Variants in TTC9 observed in about 807,000 individuals in gnomAD.
The protein encoded by TTC9 is tetratricopeptide repeat protein 9A.
A neutral mutation model predicts 22.9 loss-of-function variants in TTC9; 13 were observed. The observed-to-expected ratio is 0.57, with a 90% CI of 0.37 to 0.90. TTC9 has a LOEUF of 0.90. TTC9 is among the 40% of genes least tolerant of loss of function. TTC9 has a pLI of 0.01. For missense variants in TTC9, 280 were observed against 291.8 expected (o/e 0.96, Z 0.29); for synonymous variants, 148 against 133.2 (o/e 1.11, Z -0.77).
rs950291536 is a variant in TTC9, at chr14:70,673,715, T to C, written c.*2560T>C. 4 of 152,162 alleles carry C rather than the reference T, an allele frequency of 2.6e-5. No individual in the cohort carries two copies. The highest frequency in any genetic ancestry group is 9.7e-5 in the African/African-American group (4 of 41,404). The allele number at this position is 152,162 out of a possible 1,614,324, so 9.4% of individuals were successfully genotyped here. ...AACTGCCAGGGTCTTCCCTTGGTCT[T>C]TGTGCGTCAGGAAGGACTCCGAGTA... On this transcript the variant is annotated 3_prime_UTR_variant, in exon 3 of 3. Coordinates refer to ENST00000256367, the MANE Select transcript of TTC9 (RefSeq NM_015351.2).
At chr14:70,642,571 G>C (rs773763843) in intron 1 of TTC9, 36 bp downstream of exon 1, 1 of 1,513,172 alleles carries the variant, frequency 6.6e-7, no homozygotes, top group South Asian at 1.2e-5. Flanking sequence ...CGCGGTCCCC[G>C]TTCTTCGGCC....
intron 1 of TTC9, among the ~76,000 whole-genome samples, chr14:70,662,837 A>C (rs1218103319): frequency 6.6e-6 from 1 of 152,240 alleles, no homozygotes; most frequent in African/African-American, 2.4e-5. Flanking sequence ...TCCTTAATTC[A>C]AACAGAGACC....
At chr14:70,647,089 A>G (rs1885912876) in intron 1 of TTC9, among the ~76,000 whole-genome samples, 1 of 152,208 alleles carries the variant, frequency 6.6e-6, no homozygotes, top group Non-Finnish European at 1.5e-5. Flanking sequence ...AAATTTTAAA[A>G]TTTAATTATT....
intron 1 of TTC9, 69 bp downstream of exon 1, chr14:70,642,604 G>C (rs1273759527): frequency 1.5e-5 from 21 of 1,410,674 alleles, no homozygotes; most frequent in Middle Eastern, 1.8e-4. Flanking sequence ...GGACCACTGC[G>C]GCGCTCCCGC....
chr14:70,649,099 G>A (rs751976545), intron 1 of TTC9, among the ~76,000 whole-genome samples: 1 of 152,138 alleles, frequency 6.6e-6, no homozygotes, highest in Non-Finnish European at 1.5e-5. Context: ...CTACCAGCTT[G>A]TCATCCCACA....
At chr14:70,651,941 T>G (rs1885990836) in intron 1 of TTC9, among the ~76,000 whole-genome samples, 2 of 151,406 alleles carry the variant, frequency 1.3e-5, no homozygotes, top group South Asian at 4.2e-4. Context: ...AGCCCAAATC[T>G]AAATCCTTTC....
chr14:70,644,908 C>T (rs1885881422), intron 1 of TTC9, among the ~76,000 whole-genome samples: 1 of 151,492 alleles, frequency 6.6e-6, no homozygotes, highest in African/African-American at 2.4e-5. Context: ...GTCAGGAGAT[C>T]GAGACCATCC....
At chr14:70,667,780 C>T in intron 2 of TTC9, 34 bp downstream of exon 2, 1 of 1,552,014 alleles carries the variant, frequency 6.4e-7, no homozygotes, top group Non-Finnish European at 8.7e-7. Context: ...TTACTTCCTC[C>T]CTGCTCTGGT....
intron 1 of TTC9, among the ~76,000 whole-genome samples, chr14:70,652,156 G>T (rs1415738548): frequency 2.6e-5 from 4 of 152,104 alleles, no homozygotes; most frequent in Admixed American, 2.6e-4. Flanking sequence ...ATTTCAAAAG[G>T]CTTCTAGCAA....
chr14:70,642,559 G>GCCGCGTCCCCCGCC, intron 1 of TTC9, 24 bp downstream of exon 1: 1 of 1,522,314 alleles, frequency 6.6e-7, no homozygotes, highest in South Asian at 1.2e-5. Flanking sequence ...CGCCCCCCGC[G>GCCGCGTCCCCCGCC]CCGCGGTCCC....
chr14:70,662,087 C>A (rs1396722250), intron 1 of TTC9, among the ~76,000 whole-genome samples: 1 of 152,212 alleles, frequency 6.6e-6, no homozygotes, highest in African/African-American at 2.4e-5. Context: ...TCAGCCTTTT[C>A]AGAAGACCCA....
intron 1 of TTC9, among the ~76,000 whole-genome samples, chr14:70,646,234 C>T (rs1222411678): frequency 6.6e-6 from 1 of 152,090 alleles, no homozygotes; most frequent in Non-Finnish European, 1.5e-5. Context: ...AGGTAGGGAT[C>T]GTTCTGTTTC....
intron 1 of TTC9, among the ~76,000 whole-genome samples, chr14:70,660,703 A>C (rs1886133442): frequency 6.6e-6 from 1 of 152,222 alleles, no homozygotes; most frequent in Admixed American, 6.5e-5. Flanking sequence ...ATTAGTCTTC[A>C]GCCAGGGCAC....
In TTC9 at chr14:70,663,163, A is replaced by T. The variant is rs186295727; in HGVS notation, c.407-4401A>T. Among the ~76,000 whole-genome samples the T allele has an allele frequency of 2.5e-3, 379 of 152,166 alleles. 10 individuals carry two copies. Among genetic ancestry groups the T allele is most frequent in the Admixed American group, 0.023 (349 of 15,280 alleles). ...CTGTGTCATGGTTTCTTTCTTTTCC[A>T]GCTTCACCTTTTTTACCCTTCCCTC... On this transcript the variant is annotated intron_variant, in intron 1 of 2. Transcript: ENST00000256367.
intron 2 of TTC9, among the ~76,000 whole-genome samples, chr14:70,668,398 GA>G (rs1295744150): frequency 1.3e-5 from 2 of 151,834 alleles, no homozygotes; most frequent in Admixed American, 1.3e-4. Flanking sequence ...TTGTAAGTGG[GA>G]AAAAAAAGTG....
intron 1 of TTC9, among the ~76,000 whole-genome samples, chr14:70,649,901 GT>G (rs1885955861): frequency 6.6e-6 from 1 of 152,142 alleles, no homozygotes; most frequent in Admixed American, 6.5e-5. Flanking sequence ...CCAGGTCATT[GT>G]TTCCCTAGGT....
chr14:70,653,122 T>C (rs555734435), intron 1 of TTC9, among the ~76,000 whole-genome samples: 1 of 152,316 alleles, frequency 6.6e-6, no homozygotes, highest in Admixed American at 6.5e-5. Context: ...ATTGTTATGG[T>C]GATTAAATTA....
At chr14:70,664,100 C>A (rs187446161) in intron 1 of TTC9, among the ~76,000 whole-genome samples, 1 of 152,122 alleles carries the variant, frequency 6.6e-6, no homozygotes, top group East Asian at 1.9e-4. Flanking sequence ...GTATTTAGCA[C>A]CTCTGACACC....
intron 1 of TTC9, among the ~76,000 whole-genome samples, chr14:70,666,841 T>C (rs1886222459): frequency 6.6e-6 from 1 of 152,104 alleles, no homozygotes; most frequent in South Asian, 2.1e-4. Context: ...TCAACAAATA[T>C]TGGCCATGAT....
Sources: allele counts gnomAD v4.1 joint callset (sites outside exome capture counted in the v4.1 genomes callset), GRCh38; gene constraint gnomAD v4.1.1; transcripts MANE v1.5; gene names NCBI Gene and HGNC (gene_info 2026-07-23, HGNC 2026-07-21).